GSDME: variants seen among roughly 807,000 people sequenced by gnomAD.
The protein encoded by GSDME is gasdermin E.
In GSDME, 44 loss-of-function variants were observed where a neutral mutation model predicts 47.5. The ratio of observed to expected loss-of-function variants is 0.93; its 90% CI spans 0.73 to 1.19. GSDME has a LOEUF of 1.19. Among genes scored for constraint, GSDME ranks in the 50% most tolerant of loss-of-function variants. The pLI is 0.00. For synonymous variants in GSDME, 258 were observed against 252.8 expected (o/e 1.02, Z -0.20); for missense variants, 663 against 604.2 (o/e 1.10, Z -1.02).
the GSDME span, among the ~76,000 whole-genome samples, chr7:24,764,377 T>C: frequency 6.6e-6 from 1 of 152,214 alleles, no homozygotes; most frequent in Admixed American, 6.5e-5. This position sits in a 1 kb window ranked among gnomAD's most constrained non-coding sequence, Gnocchi z 4.4. Flanking sequence ...AATGGAATTT[T>C]TTTCTAATAC....
At chr7:24,770,132 G>A in the GSDME span, among the ~76,000 whole-genome samples, 1 of 152,182 alleles carries the variant, frequency 6.6e-6, no homozygotes, top group Non-Finnish European at 1.5e-5. This position sits in a 1 kb window ranked among gnomAD's most constrained non-coding sequence, Gnocchi z 4.6. Context: ...CCCCAGGGAG[G>A]GAAAAGGGGC....
chr7:24,730,922 C>T (rs1425021320), intron 3 of GSDME, among the ~76,000 whole-genome samples: 2 of 152,110 alleles, frequency 1.3e-5, no homozygotes, highest in Non-Finnish European at 2.9e-5. Flanking sequence ...CCCAGCACAC[C>T]CTTCTCTACA....
chr7:24,795,084 T>C, the GSDME span, among the ~76,000 whole-genome samples: 11 of 152,072 alleles, frequency 7.2e-5, no homozygotes, highest in Non-Finnish European at 1.6e-4. Flanking sequence ...CCAAGACCAG[T>C]CTTACCGTGT....
At chr7:24,708,625 G>T (rs1789221738) in intron 6 of GSDME, among the ~76,000 whole-genome samples, 1 of 152,200 alleles carries the variant, frequency 6.6e-6, no homozygotes, top group South Asian at 2.1e-4. Flanking sequence ...AAACAAGTCA[G>T]TGCTTTTACA....
In GSDME at chr7:24,749,731, G is replaced by A. The variant is rs1420704852; in HGVS notation, c.44C>T (p.Ala15Val). The A allele has an allele frequency of 1.2e-5, 19 of 1,614,104 alleles. No homozygotes were observed. The highest frequency in any genetic ancestry group is 3.3e-5 in the Admixed American group (2 of 60,028). The change falls in exon 2 of 10, where the codon GCT becomes GTT. Residue 15 changes from alanine (A) to valine (V), a missense_variant. Ala to Val is a moderately conservative substitution (Grantham distance 64, BLOSUM62 0). Transcript: ENST00000645220. ...ATRNFLREVD[A>V]DGDLIAVSNL... ...TGATACTGCAATCAGGTCACCATCA[G>A]CATCAACTTCTCTAAGAAAATTCCT...
At chr7:24,767,280 C>T in the GSDME span, among the ~76,000 whole-genome samples, 2 of 152,272 alleles carry the variant, frequency 1.3e-5, no homozygotes, top group South Asian at 4.2e-4. The surrounding 1 kb of genome is among the most constrained non-coding windows in gnomAD (Gnocchi z 5.3). Context: ...GCCAAGATTG[C>T]ACCACTGCAC....
chr7:24,776,443 G>A, the GSDME span, among the ~76,000 whole-genome samples: 4 of 152,034 alleles, frequency 2.6e-5, no homozygotes, highest in African/African-American at 9.7e-5. Context: ...ATAAACTCCC[G>A]TGTCCACCAT....
intron 1 of GSDME, among the ~76,000 whole-genome samples, chr7:24,752,793 T>C (rs190052678): frequency 2.0e-5 from 3 of 152,334 alleles, no homozygotes; most frequent in Admixed American, 6.5e-5. Flanking sequence ...AATTCTTTTC[T>C]GGGACAAGCT....
chr7:24,715,646 A>T (rs546526803), intron 5 of GSDME: 9 of 313,052 alleles, frequency 2.9e-5, no homozygotes, highest in African/African-American at 1.8e-4. Context: ...GAACAATTTG[A>T]TCCTCTTCAT....
intron 9 of GSDME, among the ~76,000 whole-genome samples, chr7:24,700,424 T>G (rs1463004829): frequency 6.6e-6 from 1 of 152,154 alleles, no homozygotes; most frequent in East Asian, 1.9e-4. Flanking sequence ...AAGATCTGAT[T>G]AATAATGTAA....
rs1789460895 is a variant in GSDME, at chr7:24,714,261, C to T, written c.697+2993G>A. Among the ~76,000 whole-genome samples, 1 of 152,126 alleles carries T rather than the reference C, an allele frequency of 6.6e-6. No individual in the cohort carries two copies. The highest frequency in any genetic ancestry group is 2.4e-5 in the African/African-American group (1 of 41,428). On this transcript the variant is annotated intron_variant, in intron 5 of 9. Coordinates refer to ENST00000645220, the MANE Select transcript of GSDME (RefSeq NM_001127453.2). This position sits in a 1 kb window ranked among gnomAD's most constrained non-coding sequence, Gnocchi z 5.0. ...CGGGATACAGATGGAGTCTGCCTCC[C>T]TTCGAGGTTTCAAAGGACGACCAGG...
chr7:24,719,272 A>G (rs1338820219), intron 3 of GSDME, 54 bp from the exon 4 acceptor site: 1 of 1,575,414 alleles, frequency 6.3e-7, no homozygotes, highest in Non-Finnish European at 8.6e-7. Context: ...ACATTGGTGT[A>G]GTGTGAATTT....
chr7:24,713,017 TC>T (rs1789415491), intron 5 of GSDME, among the ~76,000 whole-genome samples: 1 of 117,754 alleles, frequency 8.5e-6, no homozygotes. Context: ...AAACTCAGTC[TC>T]AAAAAAAAAA....
In GSDME at chr7:24,726,055, G is replaced by A. The variant is rs1789955908; in HGVS notation, c.405-6837C>T. Among the ~76,000 whole-genome samples, 1 of 152,146 alleles carries A rather than the reference G, an allele frequency of 6.6e-6. No homozygotes were observed. The highest frequency in any genetic ancestry group is 2.1e-4 in the South Asian group (1 of 4,824). On this transcript the variant is annotated intron_variant, in intron 3 of 9. Transcript: ENST00000645220. The surrounding 1 kb of genome is among the most constrained non-coding windows in gnomAD (Gnocchi z 5.6). ...GGCGGCAGGCAGAGATGGAGGGAGG[G>A]AAGCGTGGCTCAGAGCCCAGCGTGG...
rs1311803218 is a variant in GSDME at position 24,726,732 on chromosome 7, G to A, written c.405-7514C>T. ...TGAGGCAGAAGAATGGCGTTAACCC[G>A]GGAGGTGGAACTTGCAGTGAGCCGA... On this transcript the variant is annotated intron_variant, in intron 3 of 9. Coordinates refer to ENST00000645220, the MANE Select transcript of GSDME (RefSeq NM_001127453.2). This position sits in a 1 kb window ranked among gnomAD's most constrained non-coding sequence, Gnocchi z 5.6. 6.6e-6 allele frequency among the ~76,000 whole-genome samples: 1 copy of A among 151,808 alleles called. No individual in the cohort carries two copies.
At position 24,705,206 on chromosome 7, in the gene GSDME, C is replaced by G. The variant is rs113367390; in HGVS notation, c.1183+978G>C. 7 of 152,226 alleles carry G rather than the reference C, an allele frequency of 4.6e-5. No homozygotes were observed. The highest frequency in any genetic ancestry group is 1.7e-4 in the African/African-American group (7 of 41,450). The allele number at this position is 152,226 out of a possible 1,614,324, so 9.4% of individuals were successfully genotyped here. A position where few individuals can be genotyped will look rare whatever the true frequency, so the allele number is the denominator to read the frequency against. On this transcript the variant is annotated intron_variant, in intron 8 of 9. Coordinates refer to ENST00000645220, the MANE Select transcript of GSDME (RefSeq NM_001127453.2). The surrounding 1 kb of genome is among the most constrained non-coding windows in gnomAD (Gnocchi z 4.1). ...GACAGAATGCCTGTTCTGAAAGACT[C>G]TAATACCCGGATGTTAACATTGGGA... is the stretch of plus-strand genomic sequence containing the variant.
At chr7:24,715,812 C>G (rs1047200625) in intron 5 of GSDME, among the ~76,000 whole-genome samples, 4 of 152,202 alleles carry the variant, frequency 2.6e-5, no homozygotes, top group Non-Finnish European at 4.4e-5. Flanking sequence ...ACCTCTTTGA[C>G]CAACTGCTTC....
chr7:24,709,512 T>G (rs559791485), intron 6 of GSDME, among the ~76,000 whole-genome samples: 1 of 152,330 alleles, frequency 6.6e-6, no homozygotes, highest in East Asian at 1.9e-4. Flanking sequence ...TCCACAGATG[T>G]AGTCACCAGG....
At chr7:24,703,756 A>T (rs1388127706) in intron 8 of GSDME, 1 of 152,506 alleles carries the variant, frequency 6.6e-6, no homozygotes, top group Admixed American at 6.5e-5. Flanking sequence ...AGCCAGGGGG[A>T]TGCTTCTTTC....
Sources: gnomAD v4.1 joint callset for allele counts (sites outside exome capture counted in the v4.1 genomes callset) on GRCh38, gnomAD v4.1.1 for gene constraint, Gnocchi (gnomAD v3.1) non-coding constraint, MANE v1.5 for transcripts, NCBI Gene and HGNC (gene_info 2026-07-23, HGNC 2026-07-21) for gene names.